The following ZNF207 variants were observed in gnomAD, a reference collection of about 807,000 sequenced individuals.
ZNF207 encodes the protein zinc finger protein 207.
In ZNF207, 24 loss-of-function variants were observed where a neutral mutation model predicts 60.2. That is an observed-to-expected ratio of 0.40 (90% CI 0.29 to 0.56). ZNF207 has a LOEUF of 0.56. ZNF207 is among the 20% of genes least tolerant of loss of function. The probability of loss-of-function intolerance (pLI) is 0.49; values close to 1 mark genes in which losing one functional copy is unlikely to be tolerated. For synonymous variants in ZNF207, 236 were observed against 194.7 expected, an observed-to-expected ratio of 1.21 and a Z score of -1.77; for missense variants, 452 against 636.6, an observed-to-expected ratio of 0.71 and a Z score of 3.12.
chr17:32,365,762 T>A (rs1905134413), intron 8 of ZNF207, among the ~76,000 whole-genome samples: 1 of 149,132 alleles, frequency 6.7e-6, no homozygotes, highest in Non-Finnish European at 1.5e-5. Flanking sequence ...TTTTTTAAGC[T>A]AATGAAAGTT....
At chr17:32,351,670 T>C in intron 1 of ZNF207, 116 bp from the exon 2 acceptor site, 1 of 1,596,578 alleles carries the variant, frequency 6.3e-7, no homozygotes, top group East Asian at 2.3e-5. Context: ...AAAGCAGAGT[T>C]TCTATACAGT....
chr17:32,366,596 C>T, intron 8 of ZNF207, 69 bp from the exon 9 acceptor site: 2 of 1,324,104 alleles, frequency 1.5e-6, no homozygotes, highest in South Asian at 3.0e-5. Flanking sequence ...ACTAAAAAGT[C>T]TACCACATGG....
At position 32,375,213 on chromosome 17, in the gene ZNF207, T is replaced by C. The variant is rs900126213; in HGVS notation, c.*5454T>C. The C allele has an allele frequency of 1.4e-4, 22 of 152,162 alleles. No individual in the cohort carries two copies. The highest frequency in any genetic ancestry group is 1.2e-3 in the Admixed American group (19 of 15,276). The allele number at this position is 152,162 out of a possible 1,614,324, so 9.4% of individuals were successfully genotyped here. The stretch of plus-strand genomic sequence containing the variant: ...ATAACATGTTTTTCACTATAACTAA[T>C]AGGATTTTAATATTTAAAGAATTTT... On this transcript the variant is annotated 3_prime_UTR_variant, in exon 12 of 12. Transcript: ENST00000394670.
In ZNF207 at chr17:32,351,549, C is replaced by G. The variant is rs769524505; in HGVS notation, c.42-237C>G. On this transcript the variant is annotated intron_variant, in intron 1 of 11. Transcript: ENST00000394670. ...CACAGGAATTTGACAAAGTATATTG[C>G]TGATTATTGAGATGTGTTTTTTGGG... 116 of 1,529,276 alleles carry G rather than the reference C, an allele frequency of 7.6e-5. 1 individual carries two copies. The highest frequency in any genetic ancestry group is 9.5e-5 in the Non-Finnish European group (109 of 1,145,126). The allele number at this position is 1,529,276 out of a possible 1,614,324, so 94.7% of individuals were successfully genotyped here.
chr17:32,352,359 C>T (rs745973346), intron 2 of ZNF207, among the ~76,000 whole-genome samples: 4 of 151,448 alleles, frequency 2.6e-5, no homozygotes, highest in Non-Finnish European at 5.9e-5. Context: ...AGCCAATCAG[C>T]ATTAAAAAAA....
rs1325479770 is a variant in ZNF207, at chr17:32,377,105, C to T, written c.*7346C>T. On this transcript the variant is annotated 3_prime_UTR_variant, in exon 12 of 12. Coordinates refer to ENST00000394670, the MANE Select transcript of ZNF207 (RefSeq NM_001098507.2). The stretch of plus-strand genomic sequence containing the variant: ...AGAATGATATTTTCCCAGTTTACTA[C>T]ACATGGACCAATAGTGATTATTTGG... The T allele has an allele frequency of 1.3e-5, 2 of 151,992 alleles. No homozygotes were observed. Among genetic ancestry groups the T allele is most frequent in the African/African-American group, 4.8e-5 (2 of 41,418 alleles). The allele number at this position is 151,992 out of a possible 1,614,324, so 9.4% of individuals were successfully genotyped here.
chr17:32,351,664 C>T (rs772552306), intron 1 of ZNF207, 122 bp from the exon 2 acceptor site: 2 of 1,588,044 alleles, frequency 1.3e-6, no homozygotes, highest in Non-Finnish European at 1.7e-6. Flanking sequence ...ATATAAAAAG[C>T]AGAGTTTCTA....
intron 1 of ZNF207, among the ~76,000 whole-genome samples, chr17:32,350,583 A>G (rs572295404): frequency 1.3e-4 from 20 of 152,216 alleles, no homozygotes; most frequent in Non-Finnish European, 2.4e-4. Context: ...GGACTCCGGG[A>G]GGCGGCCTGG....
intron 9 of ZNF207, among the ~76,000 whole-genome samples, chr17:32,367,284 T>TATATATATATATATATATAA (rs1346929445): frequency 7.6e-6 from 1 of 131,068 alleles, no homozygotes; most frequent in African/African-American, 3.0e-5. Context: ...TATATATATA[T>TATATATATATATATATATAA]AAAGAATACT....
intron 2 of ZNF207, among the ~76,000 whole-genome samples, chr17:32,357,343 TTATTA>T (rs1189002745): frequency 2.7e-5 from 2 of 75,138 alleles, no homozygotes; most frequent in Non-Finnish European, 2.6e-5. Context: ...ATTATTATTA[TTATTA>T]TTATTTTTTT....
Position 32,369,396 on chromosome 17 carries a change from G to A in ZNF207, c.1266G>A (p.Met422Ile). 6.2e-7 allele frequency: 1 copy of A among 1,614,134 alleles called. No homozygotes were observed. Among genetic ancestry groups the A allele is most frequent in the Non-Finnish European group, 8.5e-7 (1 of 1,180,028 alleles). ...NPPVGPIGGMMPPQPGIPQQQ... is the reference protein window; with the variant it reads ...NPPVGPIGGMIPPQPGIPQQQ... ...CAGTTGGACCAATTGGAGGTATGATGCCACCACAGCCAGGCATCCCACAGC... is the reference window on the plus strand; with the variant it reads ...CAGTTGGACCAATTGGAGGTATGATACCACCACAGCCAGGCATCCCACAGC... Residue 422 changes from methionine to isoleucine, a missense_variant, in exon 11 of 12, where the codon ATG becomes ATA. By Grantham distance (10) the Met-to-Ile change is conservative. Coordinates refer to ENST00000394670, the MANE Select transcript of ZNF207 (RefSeq NM_001098507.2).
At position 32,369,901 on chromosome 17, in the gene ZNF207, T is replaced by G. The variant is rs764110622; in HGVS notation, c.*142T>G. On this transcript the variant is annotated 3_prime_UTR_variant, in exon 12 of 12. Transcript: ENST00000394670. ...CCCACATACCAGGAACTATTGGACATTTATTTTACATGGGAAAAATTATTT... is the reference window on the plus strand; with the variant it reads ...CCCACATACCAGGAACTATTGGACAGTTATTTTACATGGGAAAAATTATTT... The G allele has an allele frequency of 1.1e-4, 107 of 973,474 alleles. No homozygotes were observed. Among genetic ancestry groups the G allele is most frequent in the Non-Finnish European group, 1.4e-4 (104 of 741,616 alleles). The allele number at this position is 973,474 out of a possible 1,614,324, so 60.3% of individuals were successfully genotyped here.
At chr17:32,361,375 A>T (rs1904872947) in intron 5 of ZNF207, 93 bp from the exon 6 acceptor site, 1 of 1,043,172 alleles carries the variant, frequency 9.6e-7, no homozygotes, top group Non-Finnish European at 1.4e-6. Flanking sequence ...ACTTTTACTT[A>T]AATATTGTTG....
intron 7 of ZNF207, among the ~76,000 whole-genome samples, chr17:32,364,787 A>G (rs528373113): frequency 1.3e-5 from 2 of 152,354 alleles, no homozygotes; most frequent in African/African-American, 2.4e-5. Flanking sequence ...AGGCAGTTCC[A>G]TATACATTAT....
intron 2 of ZNF207, among the ~76,000 whole-genome samples, chr17:32,356,569 A>C (rs1347105662): frequency 6.6e-6 from 1 of 152,228 alleles, no homozygotes; most frequent in East Asian, 1.9e-4. Flanking sequence ...TTTTGTAGTT[A>C]CTTTTCTGTT....
At chr17:32,368,656 A>C (rs1413852869) in intron 10 of ZNF207, among the ~76,000 whole-genome samples, 3 of 150,168 alleles carry the variant, frequency 2.0e-5, no homozygotes, top group Non-Finnish European at 4.4e-5. Context: ...GCACCACTGC[A>C]CTCCAGCCTG....
rs1192225095 is a variant in ZNF207 at position 32,371,274 on chromosome 17, C to T, written c.*1515C>T. On this transcript the variant is annotated 3_prime_UTR_variant, in exon 12 of 12. Coordinates refer to ENST00000394670, the MANE Select transcript of ZNF207 (RefSeq NM_001098507.2). Reference sequence around the variant, plus strand: ...AATGGTAACATTTCTTTATAACTTTCCTGTGAAGGTATAGATAAAACACAT... The same window carrying T: ...AATGGTAACATTTCTTTATAACTTTTCTGTGAAGGTATAGATAAAACACAT... The T allele has an allele frequency of 3.3e-5, 5 of 151,998 alleles. No homozygotes were observed. The highest frequency in any genetic ancestry group is 1.2e-4 in the African/African-American group (5 of 41,358). The allele number at this position is 151,998 out of a possible 1,614,324, so 9.4% of individuals were successfully genotyped here. A position where few individuals can be genotyped will look rare whatever the true frequency, so the allele number is the denominator to read the frequency against.
intron 9 of ZNF207, among the ~76,000 whole-genome samples, chr17:32,367,257 A>G (rs1003841875): frequency 1.0e-5 from 1 of 95,874 alleles, no homozygotes; most frequent in African/African-American, 4.1e-5. Context: ...ATATATATAT[A>G]TATATATATA....
At chr17:32,354,905 C>T (rs1567813402) in intron 2 of ZNF207, among the ~76,000 whole-genome samples, 2 of 152,192 alleles carry the variant, frequency 1.3e-5, no homozygotes, top group Non-Finnish European at 2.9e-5. Flanking sequence ...TGAGCCACTG[C>T]GCCCAGCCTG....
Sources: gnomAD v4.1 joint callset for allele counts (sites outside exome capture counted in the v4.1 genomes callset) on GRCh38, gnomAD v4.1.1 for gene constraint, MANE v1.5 for transcripts, NCBI Gene and HGNC (gene_info 2026-07-23, HGNC 2026-07-21) for gene names.